The following NRXN1 variants were observed in gnomAD, a reference collection of about 807,000 sequenced individuals.
NRXN1 encodes the protein neurexin-1.
A neutral mutation model predicts 150.9 loss-of-function variants in NRXN1; 39 were observed. The ratio of observed to expected loss-of-function variants is 0.26; its 90% CI spans 0.20 to 0.34. NRXN1 has a LOEUF of 0.34. NRXN1 is among the 10% of genes least tolerant of loss of function. NRXN1 has a pLI of 1.00. For synonymous variants in NRXN1, 924 were observed against 757.0 expected (o/e 1.22, Z -3.62); for missense variants, 1,815 against 1,949.9 (o/e 0.93, Z 1.30).
intron 8 of NRXN1, among the ~76,000 whole-genome samples, chr2:50,618,762 TATAATA>T (rs558881112): frequency 6.7e-6 from 1 of 149,744 alleles, no homozygotes; most frequent in Non-Finnish European, 1.5e-5. Context: ...ATATTAGTAC[TATAATA>T]ATAATAATAA....
At chr2:50,836,100 G>A (rs904536839) in intron 5 of NRXN1, among the ~76,000 whole-genome samples, 16 of 152,014 alleles carry the variant, frequency 1.1e-4, no homozygotes, top group Admixed American at 1.3e-4. Context: ...TCTAGTTTTC[G>A]AAATTCAAAA....
chr2:50,150,097 C>G (rs909922359), intron 18 of NRXN1, among the ~76,000 whole-genome samples: 2 of 151,650 alleles, frequency 1.3e-5, no homozygotes, highest in East Asian at 3.9e-4. Flanking sequence ...GATAATTCTC[C>G]TTTAAGTAGA....
intron 5 of NRXN1, among the ~76,000 whole-genome samples, chr2:50,720,236 C>A (rs1007046238): frequency 6.6e-6 from 1 of 151,852 alleles, no homozygotes; most frequent in Non-Finnish European, 1.5e-5. Context: ...GGAGGAGTTA[C>A]AATGGGAAAC....
At chr2:50,987,833 T>C (rs966242464) in intron 2 of NRXN1, among the ~76,000 whole-genome samples, 4 of 151,916 alleles carry the variant, frequency 2.6e-5, no homozygotes, top group Non-Finnish European at 4.4e-5. Flanking sequence ...CTAACCCCCA[T>C]TGGTCCCTGT....
At chr2:50,002,932 A>C (rs1684178772) in intron 21 of NRXN1, among the ~76,000 whole-genome samples, 1 of 152,132 alleles carries the variant, frequency 6.6e-6, no homozygotes, top group Non-Finnish European at 1.5e-5. Flanking sequence ...TAATGTTACA[A>C]AACAGTCTTG....
At chr2:49,942,010 T>C (rs1421329020) in intron 22 of NRXN1, among the ~76,000 whole-genome samples, 2 of 152,240 alleles carry the variant, frequency 1.3e-5, no homozygotes, top group South Asian at 2.1e-4. Flanking sequence ...TTGTTGTTGC[T>C]AACTAACAGA....
intron 5 of NRXN1, among the ~76,000 whole-genome samples, chr2:50,852,927 C>A (rs558912010): frequency 6.6e-6 from 1 of 152,240 alleles, no homozygotes; most frequent in Non-Finnish European, 1.5e-5. Context: ...TCATGAAAGG[C>A]TTTGTAAAAT....
At chr2:50,503,837 T>C (rs757364514) in intron 13 of NRXN1, among the ~76,000 whole-genome samples, 1 of 152,130 alleles carries the variant, frequency 6.6e-6, no homozygotes, top group South Asian at 2.1e-4. Context: ...GTAGTAATTA[T>C]ACAATGGAGA....
At chr2:50,019,291 G>T (rs1367550903) in intron 21 of NRXN1, 1 of 471,364 alleles carries the variant, frequency 2.1e-6, no homozygotes, top group African/African-American at 2.0e-5. Flanking sequence ...AGCTGTTTGA[G>T]GACAGGGATA....
chr2:50,364,624 C>T (rs1361751357), intron 17 of NRXN1, among the ~76,000 whole-genome samples: 1 of 152,106 alleles, frequency 6.6e-6, no homozygotes, highest in African/African-American at 2.4e-5. Context: ...ATCAGTCATG[C>T]ACTTTTACTA....
chr2:50,173,586 G>A (rs1359985172), intron 18 of NRXN1, among the ~76,000 whole-genome samples: 3 of 152,096 alleles, frequency 2.0e-5, no homozygotes, highest in Non-Finnish European at 4.4e-5. Flanking sequence ...TATTTGCCAT[G>A]CCAATTATAT....
In NRXN1 at chr2:50,496,084, T is replaced by C. The variant is rs2091598932; in HGVS notation, c.2891A>G (p.Tyr964Cys). Residue 964 changes from tyrosine to cysteine, a missense_variant, in exon 15 of 23, where the codon TAC (tyrosine) becomes TGC (cysteine). Tyr to Cys is a radical substitution (Grantham distance 194). This residue lies in a region of NRXN1 where 339 missense variants were observed against 440.3 expected (regional missense o/e 0.77). Transcript: ENST00000401669. ...AGCACCATTTCCCAAATCAAACACG[T>C]AATGTAAGTACCTGGGAAAAAAATG... ...VVELVKGYLHYVFDLGNGANL... is the reference protein window; with the variant it reads ...VVELVKGYLHCVFDLGNGANL... 1.2e-6 allele frequency: 2 copies of C among 1,600,838 alleles called. No individual in the cohort carries two copies. The highest frequency in any genetic ancestry group is 1.3e-5 in the African/African-American group (1 of 74,780).
intron 5 of NRXN1, among the ~76,000 whole-genome samples, chr2:50,665,555 C>A (rs1460179902): frequency 6.6e-6 from 1 of 151,944 alleles, no homozygotes; most frequent in Admixed American, 6.6e-5. Context: ...ATGCTCACCA[C>A]TTGAAGTCAG....
intron 17 of NRXN1, among the ~76,000 whole-genome samples, chr2:50,294,980 T>C (rs1715997): frequency 0.68 from 103,233 of 152,060 alleles, 35,308 homozygotes; most frequent in Middle Eastern, 0.78. Context: ...GGTCCAGCCC[T>C]GGCTATGGAC....
chr2:50,046,880 C>A lies in NRXN1; in HGVS notation c.4128+6391G>T, dbSNP rs372669358. Among the ~76,000 whole-genome samples, 89 of 152,268 alleles carry A rather than the reference C, an allele frequency of 5.8e-4. 2 individuals carry two copies. The South Asian group carries it at 0.018, about 31-fold the overall frequency. The stretch of plus-strand genomic sequence containing the variant: ...TCCAGCATGGAACCATATTTATAGG[C>A]AATGCCTAAATAGATACTATTAGAA... On this transcript the variant is annotated intron_variant, in intron 21 of 22. Transcript: ENST00000401669.
chr2:50,940,327 T>C (rs939142382), intron 2 of NRXN1, among the ~76,000 whole-genome samples: 10 of 151,858 alleles, frequency 6.6e-5, no homozygotes, highest in Admixed American at 5.9e-4. Flanking sequence ...ATACAAAAAT[T>C]AGCTGGGCAT....
intron 18 of NRXN1, among the ~76,000 whole-genome samples, chr2:50,139,872 A>G (rs1387152278): frequency 1.3e-5 from 2 of 152,194 alleles, no homozygotes; most frequent in East Asian, 3.8e-4. Context: ...ATGAGGAATA[A>G]TATATGTGGG....
At chr2:50,359,944 A>T (rs1049628655) in intron 17 of NRXN1, among the ~76,000 whole-genome samples, 3 of 152,178 alleles carry the variant, frequency 2.0e-5, no homozygotes, top group African/African-American at 7.2e-5. Context: ...GAGAGTGGGG[A>T]TCAATATTCA....
chr2:50,220,534 TA>T (rs1484728628), intron 18 of NRXN1, among the ~76,000 whole-genome samples: 4 of 152,034 alleles, frequency 2.6e-5, no homozygotes, highest in African/African-American at 9.7e-5. Flanking sequence ...CAGGCTAGTA[TA>T]ATTCCCTCAC....
Sources: allele counts gnomAD v4.1 joint callset (sites outside exome capture counted in the v4.1 genomes callset), GRCh38; gene constraint gnomAD v4.1.1; regional missense constraint gnomAD v4.1.1; transcripts MANE v1.5; gene names NCBI Gene and HGNC (gene_info 2026-07-23, HGNC 2026-07-21).